Variants in VPS37D observed in about 807,000 individuals in gnomAD.
VPS37D encodes vacuolar protein sorting-associated protein 37D.
A neutral mutation model predicts 22.0 loss-of-function variants in VPS37D; 5 were observed. That is an observed-to-expected ratio of 0.23 (90% CI 0.12 to 0.48). The LOEUF (loss-of-function observed/expected upper bound fraction) is 0.48. Ranked by LOEUF, VPS37D falls within the 20% of genes least tolerant of loss-of-function variation. The pLI is 0.99. For synonymous variants in VPS37D, 174 were observed against 159.3 expected (o/e 1.09, Z -0.69); for missense variants, 384 against 345.8 (o/e 1.11, Z -0.88).
Position 73,668,014 on chromosome 7 carries a change from T to A in VPS37D, c.56T>A (p.Phe19Tyr). 1 of 1,125,912 alleles carries A rather than the reference T, an allele frequency of 8.9e-7. No individual in the cohort carries two copies. The highest frequency in any genetic ancestry group is 3.4e-5 in the South Asian group (1 of 28,988). The allele number at this position is 1,125,912 out of a possible 1,614,324, so 69.7% of individuals were successfully genotyped here. A position where few individuals can be genotyped will look rare whatever the true frequency, so the allele number is the denominator to read the frequency against. The change falls in exon 1 of 4, where the codon TTT becomes TAT. Residue 19 changes from phenylalanine (F) to tyrosine (Y), a missense_variant. Physicochemically the swap from Phe to Tyr is conservative, Grantham distance 22 (BLOSUM62 3). Transcript: ENST00000324941. ...CCGGAGCCCGGCAGCCCGGGGCGCT[T>A]TGGGATCCTCAGCACCGGGCAGCTC... ...AGPEPGSPGRFGILSTGQLRD... is the reference protein window; with the variant it reads ...AGPEPGSPGRYGILSTGQLRD...
At chr7:73,668,473 G>A (rs917735361) in intron 1 of VPS37D, among the ~76,000 whole-genome samples, 3 of 151,416 alleles carry the variant, frequency 2.0e-5, no homozygotes, top group African/African-American at 7.3e-5. Flanking sequence ...GGGCCTGTCT[G>A]ACACCTGGAG....
In VPS37D at chr7:73,671,493, G is replaced by A. The variant is rs889147985; in HGVS notation, c.*117G>A. ...AGGCCCCTCCCCCTGGCCTCAGGCA[G>A]GCCCTGGCCCTGGAGGCTGAGCTGG... On this transcript the variant is annotated 3_prime_UTR_variant, in exon 4 of 4. Coordinates refer to ENST00000324941, the MANE Select transcript of VPS37D (RefSeq NM_001077621.2). 1 of 437,692 alleles carries A rather than the reference G, an allele frequency of 2.3e-6. No homozygotes were observed. The highest frequency in any genetic ancestry group is 3.9e-6 in the Non-Finnish European group (1 of 254,906). The allele number at this position is 437,692 out of a possible 1,614,324, so 27.1% of individuals were successfully genotyped here. A position where few individuals can be genotyped will look rare whatever the true frequency, so the allele number is the denominator to read the frequency against.
At chr7:73,667,177 T>C (rs1053545020), upstream of VPS37D, among the ~76,000 whole-genome samples, 1 of 151,906 alleles carries the variant, frequency 6.6e-6, no homozygotes, top group Non-Finnish European at 1.5e-5. Flanking sequence ...GGTTTCACCA[T>C]GTTAGCCAGG....
chr7:73,669,487 G>A lies in VPS37D; in HGVS notation c.207G>A (p.Leu69=), dbSNP rs782578343. ...ACTACGCGCTGGCCAAGGAGAACCT[G>A]GCCCTGCGGCCCCGCCTGGAGATGG... The part of the protein sequence containing the change: ...ASNYALAKEN[L]ALRPRLEMGR... The change falls in exon 2 of 4, where the codon CTG becomes CTA. Residue 69 remains leucine (L), a synonymous_variant. Coordinates refer to ENST00000324941, the MANE Select transcript of VPS37D (RefSeq NM_001077621.2). 12 of 1,580,490 alleles carry A rather than the reference G, an allele frequency of 7.6e-6. No individual in the cohort carries two copies. Among genetic ancestry groups the A allele is most frequent in the Non-Finnish European group, 1.0e-5 (12 of 1,163,806 alleles).
upstream of VPS37D, among the ~76,000 whole-genome samples, chr7:73,667,074 G>T (rs1554608785): frequency 6.8e-6 from 1 of 147,704 alleles, no homozygotes; most frequent in Non-Finnish European, 1.5e-5. Context: ...CCGGGTTCAC[G>T]CCATTCTCCT....
At chr7:73,669,191 G>T (rs1325151961) in intron 1 of VPS37D, among the ~76,000 whole-genome samples, 1 of 152,132 alleles carries the variant, frequency 6.6e-6, no homozygotes, top group African/African-American at 2.4e-5. Context: ...TTTTTAACTC[G>T]ATTTGTAAAA....
Position 73,668,062 on chromosome 7 carries a change from C to T in VPS37D, c.104C>T (p.Pro35Leu). ...CTCCGGGACCTGCTTCAGGATGAGCCCAAGCTGGACCGGATCGTGCGGCTC... is the reference window on the plus strand; with the variant it reads ...CTCCGGGACCTGCTTCAGGATGAGCTCAAGCTGGACCGGATCGTGCGGCTC... The part of the protein sequence containing the change: ...GQLRDLLQDE[P>L]KLDRIVRLSR... The change falls in exon 1 of 4, where the codon CCC becomes CTC. Residue 35 changes from proline to leucine, a missense_variant. Physicochemically the swap from Pro to Leu is moderately conservative, Grantham distance 98. Coordinates refer to ENST00000324941, the MANE Select transcript of VPS37D (RefSeq NM_001077621.2). 2.6e-6 allele frequency: 3 copies of T among 1,153,782 alleles called. No individual in the cohort carries two copies. The highest frequency in any genetic ancestry group is 3.2e-6 in the Non-Finnish European group (3 of 927,048). The allele number at this position is 1,153,782 out of a possible 1,614,324, so 71.5% of individuals were successfully genotyped here. A position where few individuals can be genotyped will look rare whatever the true frequency, so the allele number is the denominator to read the frequency against.
upstream of VPS37D, among the ~76,000 whole-genome samples, chr7:73,667,098 G>A (rs917430802): frequency 1.3e-5 from 2 of 150,928 alleles, no homozygotes; most frequent in South Asian, 4.2e-4. Flanking sequence ...TCAGCCTCGC[G>A]AGTAGCTGGG....
At chr7:73,667,812 AG>A (rs1197032764), upstream of VPS37D, 31 of 179,894 alleles carry the variant, frequency 1.7e-4, no homozygotes, top group Non-Finnish European at 3.0e-4. Context: ...TAAGAGCGGG[AG>A]GGGCGCCCCC....
Position 73,671,035 on chromosome 7 carries a change from C to T in VPS37D, c.415C>T (p.Leu139Phe), listed in dbSNP as rs1176045674. The T allele has an allele frequency of 1.1e-5, 18 of 1,612,384 alleles. No homozygotes were observed. Among genetic ancestry groups the T allele is most frequent in the Non-Finnish European group, 1.4e-5 (17 of 1,179,632 alleles). Residue 139 changes from leucine to phenylalanine, a missense_variant, in exon 4 of 4, where the codon CTC becomes TTC. Physicochemically the swap from Leu to Phe is conservative, Grantham distance 22. Transcript: ENST00000324941. ...CCAGGAGCAGATGGAGCAGCTGCTG[C>T]TCGGGGAGCAAAGCCTGGAGGCCTT... is the stretch of plus-strand genomic sequence containing the variant. Reference protein sequence around the residue: ...EAEEQMEQLLLGEQSLEAFLP... With the variant: ...EAEEQMEQLLFGEQSLEAFLP...
rs1227669645 is a variant in VPS37D, at chr7:73,671,544, C to G, written c.*168C>G. 1 of 135,644 alleles carries G rather than the reference C, an allele frequency of 7.4e-6. No individual in the cohort carries two copies. Among genetic ancestry groups the G allele is most frequent in the Non-Finnish European group, 1.5e-5 (1 of 65,226 alleles). 8.4% of individuals were successfully genotyped at this position (135,644 alleles called of 1,614,324 possible). On this transcript the variant is annotated 3_prime_UTR_variant, in exon 4 of 4. Transcript: ENST00000324941. ...GGAGGAGGGTCCCCTGGAAGAGGCCCGAGAGGGGGCTGGGGGTGGGTGGGC... is the reference window on the plus strand; with the variant it reads ...GGAGGAGGGTCCCCTGGAAGAGGCCGGAGAGGGGGCTGGGGGTGGGTGGGC...
Position 73,667,980 on chromosome 7 carries a change from C to G in VPS37D, c.22C>G (p.Arg8Gly). MYRARAA[R>G]AGPEPGSPGR... is the part of the protein sequence containing the mutation. ...CGGCATGTACCGGGCCCGGGCGGCG[C>G]GGGCGGGGCCGGAGCCCGGCAGCCC... The change falls in exon 1 of 4, where the codon CGG becomes GGG. Residue 8 changes from arginine (R) to glycine (G), a missense_variant. By Grantham distance (125) the Arg-to-Gly change is moderately radical (BLOSUM62 -2). Transcript: ENST00000324941. The G allele has an allele frequency of 9.2e-7, 1 of 1,084,012 alleles. No individual in the cohort carries two copies. The highest frequency in any genetic ancestry group is 1.1e-6 in the Non-Finnish European group (1 of 892,564). The allele number at this position is 1,084,012 out of a possible 1,614,324, so 67.1% of individuals were successfully genotyped here. A position where few individuals can be genotyped will look rare whatever the true frequency, so the allele number is the denominator to read the frequency against.
chr7:73,670,774 C>A (rs1423139202), intron 3 of VPS37D, among the ~76,000 whole-genome samples: 1 of 151,106 alleles, frequency 6.6e-6, no homozygotes, highest in Non-Finnish European at 1.5e-5. Context: ...TGCGCCACTG[C>A]ACTCCAGCCT....
chr7:73,668,176 C>CGGGCCGGGCCGCG (rs1482908046), intron 1 of VPS37D, 80 bp downstream of exon 1: 13 of 911,814 alleles, frequency 1.4e-5, no homozygotes, highest in Non-Finnish European at 1.7e-5. Flanking sequence ...AAGGGCCGCG[C>CGGGCCGGGCCGCG]GGGCCGGGCC....
intron 1 of VPS37D, among the ~76,000 whole-genome samples, chr7:73,668,790 C>T (rs1797439615): frequency 6.6e-6 from 1 of 151,904 alleles, no homozygotes; most frequent in Non-Finnish European, 1.5e-5. Flanking sequence ...TTCTCCAGGG[C>T]CGGGGCTGCT....
rs1430906009 is a variant in VPS37D, at chr7:73,667,962, T to A, written c.4T>A (p.Tyr2Asn). The A allele has an allele frequency of 7.7e-6, 8 of 1,041,820 alleles. No individual in the cohort carries two copies. The highest frequency in any genetic ancestry group is 9.2e-6 in the Non-Finnish European group (8 of 866,024). The allele number at this position is 1,041,820 out of a possible 1,614,324, so 64.5% of individuals were successfully genotyped here. A position where few individuals can be genotyped will look rare whatever the true frequency, so the allele number is the denominator to read the frequency against. ...GCTGGGGGCGCGGGCGGGCGGCATG[T>A]ACCGGGCCCGGGCGGCGCGGGCGGG... MYRARAARAGPE... is the reference protein window; with the variant it reads MNRARAARAGPE... Residue 2 changes from tyrosine to asparagine, a missense_variant, in exon 1 of 4, where the codon TAC (tyrosine) becomes AAC (asparagine). Tyr to Asn is a moderately radical substitution (Grantham distance 143). Transcript: ENST00000324941.
Position 73,671,109 on chromosome 7 carries a change from G to T in VPS37D, c.489G>T (p.Thr163=). The T allele has an allele frequency of 6.2e-7, 1 of 1,609,510 alleles. No homozygotes were observed. The highest frequency in any genetic ancestry group is 8.5e-7 in the Non-Finnish European group (1 of 1,179,452). ...GCGCCCTGGCCCACCTGAGGCGGAC[G>T]CAGGCAGAGAAGCTGCAGGAGCTGC... ...RGRALAHLRR[T]QAEKLQELLR... is the part of the protein sequence containing the mutation. The change falls in exon 4 of 4, where the codon ACG becomes ACT. Residue 163 remains threonine (T), a synonymous_variant. Coordinates refer to ENST00000324941, the MANE Select transcript of VPS37D (RefSeq NM_001077621.2).
At chr7:73,668,426 G>A (rs1797431028) in intron 1 of VPS37D, among the ~76,000 whole-genome samples, 1 of 151,788 alleles carries the variant, frequency 6.6e-6, no homozygotes, top group African/African-American at 2.4e-5. Context: ...TTCTGTAAGG[G>A]CCAGAAAGAG....
chr7:73,669,988 T>G, intron 2 of VPS37D, 32 bp from the exon 3 acceptor site: 1 of 1,551,492 alleles, frequency 6.4e-7, no homozygotes, highest in East Asian at 2.4e-5. Flanking sequence ...GGCCCTGGCC[T>G]GTCTGTCACT....
Sources: allele counts gnomAD v4.1 joint callset (sites outside exome capture counted in the v4.1 genomes callset), GRCh38; gene constraint gnomAD v4.1.1; transcripts MANE v1.5; gene names NCBI Gene and HGNC (gene_info 2026-07-23, HGNC 2026-07-21).